Variants in SLC35F3 observed in about 807,000 individuals in gnomAD.
SLC35F3 encodes putative thiamine transporter SLC35F3.
SLC35F3 carries 25 observed loss-of-function variants against 49.9 expected under a neutral mutation model. That is an observed-to-expected ratio of 0.50 (90% CI 0.37 to 0.70). The LOEUF (loss-of-function observed/expected upper bound fraction) is 0.70, where lower values mean the gene tolerates loss of function less well. Ranked by LOEUF, SLC35F3 falls within the 30% of genes least tolerant of loss-of-function variation. SLC35F3 has a pLI of 0.00. For missense variants in SLC35F3, 525 were observed against 639.8 expected, an observed-to-expected ratio of 0.82 and a Z score of 1.94; for synonymous variants, 275 against 265.4, an observed-to-expected ratio of 1.04 and a Z score of -0.35.
In SLC35F3 at chr1:234,033,423, C is replaced by G. The variant is rs924131639; in HGVS notation, c.283+127665C>G. Among the ~76,000 whole-genome samples the G allele has an allele frequency of 2.6e-5, 4 of 151,942 alleles. No individual in the cohort carries two copies. In the East Asian group the frequency reaches 7.7e-4, roughly 29 times the overall value. ...GCTTTGGGATTCCTGGTAATGAATTCTTTGCCTAAGCCAATGTCTAGAAGG... is the reference window on the plus strand; with the variant it reads ...GCTTTGGGATTCCTGGTAATGAATTGTTTGCCTAAGCCAATGTCTAGAAGG... On this transcript the variant is annotated intron_variant, in intron 2 of 7. Coordinates refer to ENST00000366618, the MANE Select transcript of SLC35F3 (RefSeq NM_173508.4).
chr1:233,907,871 G>A (rs368043896), intron 2 of SLC35F3, among the ~76,000 whole-genome samples: 20 of 152,186 alleles, frequency 1.3e-4, no homozygotes, highest in Non-Finnish European at 1.8e-4. Context: ...GATTACAGGC[G>A]TGCGCCACCA....
intron 2 of SLC35F3, among the ~76,000 whole-genome samples, chr1:233,982,837 T>C (rs2102822903): frequency 6.6e-6 from 1 of 152,266 alleles, no homozygotes; most frequent in Middle Eastern, 3.4e-3. Context: ...ACTACCCTGT[T>C]AGAAATTTTT....
intron 2 of SLC35F3, among the ~76,000 whole-genome samples, chr1:233,974,570 T>C (rs998939209): frequency 6.6e-6 from 1 of 152,198 alleles, no homozygotes; most frequent in Non-Finnish European, 1.5e-5. Context: ...AGTTTTCTCA[T>C]AGTGGCCCAG....
chr1:234,304,714 T>C (rs1242361688), intron 3 of SLC35F3, among the ~76,000 whole-genome samples: 1 of 152,224 alleles, frequency 6.6e-6, no homozygotes, highest in African/African-American at 2.4e-5. Context: ...ATGTTAGGCT[T>C]GCATTGCCTC....
At chr1:234,109,166 C>T (rs61824601) in intron 2 of SLC35F3, among the ~76,000 whole-genome samples, 21,062 of 152,066 alleles carry the variant, frequency 0.14, 3,162 homozygotes, top group East Asian at 0.81. Context: ...GTGAGTCAAG[C>T]CACCAGTGGG....
chr1:234,108,194 A>AT (rs1371677334), intron 2 of SLC35F3, among the ~76,000 whole-genome samples: 1 of 115,466 alleles, frequency 8.7e-6, no homozygotes, highest in Non-Finnish European at 1.7e-5. Flanking sequence ...ATATATATAT[A>AT]AAAGATATAT....
chr1:234,220,684 GA>G (rs1321132384), intron 2 of SLC35F3, among the ~76,000 whole-genome samples: 2 of 152,222 alleles, frequency 1.3e-5, no homozygotes, highest in African/African-American at 4.8e-5. Context: ...CAGGATAGAG[GA>G]GGAATCAACA....
intron 2 of SLC35F3, among the ~76,000 whole-genome samples, chr1:234,062,594 C>G (rs941369560): frequency 1.3e-5 from 2 of 152,178 alleles, no homozygotes; most frequent in Admixed American, 1.3e-4. Context: ...TGAACTTTTC[C>G]TGGCTCTGTT....
Position 233,982,570 on chromosome 1 carries a change from C to T in SLC35F3, c.283+76812C>T, listed in dbSNP as rs1663203461. On this transcript the variant is annotated intron_variant, in intron 2 of 7. Transcript: ENST00000366618. ...TGTATTTTTAGTGGAGATGGGGTTT[C>T]TCCATGTTGGTCAGCCTGGTCTCGA... 1.3e-5 allele frequency among the ~76,000 whole-genome samples: 2 copies of T among 152,038 alleles called. 1 individual carries two copies. The highest frequency in any genetic ancestry group is 4.2e-4 in the South Asian group (2 of 4,816).
At chr1:234,163,289 C>G (rs1666258336) in intron 2 of SLC35F3, among the ~76,000 whole-genome samples, 2 of 152,190 alleles carry the variant, frequency 1.3e-5, no homozygotes, top group African/African-American at 4.8e-5. Context: ...TACCCACATG[C>G]CTCGGTGATG....
intron 2 of SLC35F3, among the ~76,000 whole-genome samples, chr1:234,142,271 A>G (rs1284982233): frequency 6.6e-6 from 1 of 152,048 alleles, no homozygotes; most frequent in Admixed American, 6.6e-5. Context: ...AAAGCTTACG[A>G]AAAAAAAGAT....
chr1:234,305,990 G>T (rs375779502), intron 3 of SLC35F3, among the ~76,000 whole-genome samples: 39 of 152,272 alleles, frequency 2.6e-4, no homozygotes, highest in African/African-American at 9.4e-4. Context: ...AGACTGTCCC[G>T]TCAGTAATGT....
intron 4 of SLC35F3, among the ~76,000 whole-genome samples, chr1:234,312,971 G>A (rs1657395965): frequency 6.6e-6 from 1 of 151,880 alleles, no homozygotes; most frequent in African/African-American, 2.4e-5. Context: ...CAACCTTCTG[G>A]GCTCAAGTGA....
At chr1:234,038,271 T>C (rs5004999) in intron 2 of SLC35F3, among the ~76,000 whole-genome samples, 54,923 of 150,384 alleles carry the variant, frequency 0.37, 10,978 homozygotes, top group Middle Eastern at 0.47. Context: ...ATTTCATCCA[T>C]GTCCCTACAA....
chr1:234,118,241 T>C (rs11811384), intron 2 of SLC35F3, among the ~76,000 whole-genome samples: 76,059 of 151,836 alleles, frequency 0.5, 20,002 homozygotes, highest in Middle Eastern at 0.58. Flanking sequence ...CCTGACTTCA[T>C]GTTACCCTGA....
At chr1:234,201,520 A>G (rs12067119) in intron 2 of SLC35F3, among the ~76,000 whole-genome samples, 23 of 152,206 alleles carry the variant, frequency 1.5e-4, no homozygotes, top group East Asian at 9.6e-4. Flanking sequence ...AACATCCTTC[A>G]TATCTTAGAT....
At chr1:234,265,666 T>C (rs1229823787) in intron 3 of SLC35F3, among the ~76,000 whole-genome samples, 1 of 152,172 alleles carries the variant, frequency 6.6e-6, no homozygotes, top group Non-Finnish European at 1.5e-5. Flanking sequence ...TCCATTCTTC[T>C]TTCCTTACCT....
At chr1:234,154,301 A>T (rs563757511) in intron 2 of SLC35F3, among the ~76,000 whole-genome samples, 1 of 152,326 alleles carries the variant, frequency 6.6e-6, no homozygotes, top group East Asian at 1.9e-4. Flanking sequence ...AGGAGCTCAG[A>T]TGTAATGGGG....
chr1:233,926,712 G>A (rs973676713), intron 2 of SLC35F3, among the ~76,000 whole-genome samples: 25 of 152,308 alleles, frequency 1.6e-4, no homozygotes, highest in Admixed American at 1.3e-3. Context: ...AGGAGAAGAG[G>A]TGCTCTGATT....
Sources: gnomAD v4.1 joint callset for allele counts (sites outside exome capture counted in the v4.1 genomes callset) on GRCh38, gnomAD v4.1.1 for gene constraint, MANE v1.5 for transcripts, NCBI Gene and HGNC (gene_info 2026-07-23, HGNC 2026-07-21) for gene names.